TENM2: variants seen among roughly 807,000 people sequenced by gnomAD.
The protein encoded by TENM2 is teneurin-2.
A neutral mutation model predicts 245.2 loss-of-function variants in TENM2; 52 were observed. That is an observed-to-expected ratio of 0.21 (90% CI 0.17 to 0.27). TENM2 has a LOEUF of 0.27. TENM2 is among the 10% of genes least tolerant of loss of function. The probability of loss-of-function intolerance (pLI) is 1.00; values close to 1 mark genes in which losing one functional copy is unlikely to be tolerated. For synonymous variants in TENM2, 1,363 were observed against 1,438.9 expected (o/e 0.95, Z 1.19); for missense variants, 3,046 against 3,666.8 (o/e 0.83, Z 4.37).
intron 3 of TENM2, among the ~76,000 whole-genome samples, chr5:167,902,771 C>T (rs1224543224): frequency 1.3e-5 from 2 of 152,142 alleles, no homozygotes; most frequent in African/African-American, 2.4e-5. Flanking sequence ...GGAAAGTGAT[C>T]GTGTGTGACA....
chr5:167,711,421 C>T lies in TENM2; in HGVS notation c.503-164565C>T, dbSNP rs552679845. On this transcript the variant is annotated intron_variant, in intron 2 of 28. Transcript: ENST00000518659. ...AGGAAAGTCAGTCATCTGGCAACAT[C>T]GCTAGCCCACTGGCCCTTCCACATT... 9.2e-5 allele frequency among the ~76,000 whole-genome samples: 14 copies of T among 152,322 alleles called. No individual in the cohort carries two copies. The South Asian group carries it at 1.5e-3, about 16-fold the overall frequency.
chr5:167,622,810 C>A (rs10045114), intron 2 of TENM2, among the ~76,000 whole-genome samples: 4,647 of 152,180 alleles, frequency 0.031, 241 homozygotes, highest in African/African-American at 0.11. Flanking sequence ...AAAGAGGAGA[C>A]CAGGAGGGTG....
rs1561974218 is a variant in TENM2, at chr5:167,952,584, T to G, written c.713-4T>G. On this transcript the variant is annotated splice_polypyrimidine_tract_variant and splice_region_variant and intron_variant, in intron 3 of 28. Coordinates refer to ENST00000518659, the Ensembl canonical transcript of TENM2. ...CTAACAGTCATTTCTCCTTTTTTTT[T>G]CAGGCCCTCCGAACCACCACAGCCA... The G allele has an allele frequency of 6.2e-7, 1 of 1,603,188 alleles. No individual in the cohort carries two copies. The highest frequency in any genetic ancestry group is 1.1e-5 in the South Asian group (1 of 88,908).
intron 2 of TENM2, among the ~76,000 whole-genome samples, chr5:167,844,247 C>T (rs989339770): frequency 6.6e-6 from 1 of 152,242 alleles, no homozygotes; most frequent in African/African-American, 2.4e-5. Flanking sequence ...TAAACAAGGT[C>T]GGCTTCGACC....
chr5:167,561,114 A>G (rs565283315), intron 2 of TENM2, among the ~76,000 whole-genome samples: 1 of 152,318 alleles, frequency 6.6e-6, no homozygotes, highest in South Asian at 2.1e-4. Context: ...TGGTATATTC[A>G]TCCTCTCAAA....
At chr5:167,173,842 G>GT in the TENM2 span, among the ~76,000 whole-genome samples, 1 of 151,860 alleles carries the variant, frequency 6.6e-6, no homozygotes, top group African/African-American at 2.4e-5. Flanking sequence ...GCAATGGGAG[G>GT]TTTTCAGATA....
At chr5:167,428,304 C>T (rs1177149643) in intron 2 of TENM2, among the ~76,000 whole-genome samples, 1 of 152,118 alleles carries the variant, frequency 6.6e-6, no homozygotes, top group Non-Finnish European at 1.5e-5. Context: ...CTCAGTAACC[C>T]TATCCTTTGA....
chr5:168,190,610 G>A, intron 14 of TENM2, 63 bp downstream of exon 16: 3 of 1,479,652 alleles, frequency 2.0e-6, no homozygotes, highest in Non-Finnish European at 2.8e-6. Context: ...TGGAGCCAGA[G>A]GCAGTTCTCC....
chr5:167,604,827 T>C (rs1221774732), intron 2 of TENM2, among the ~76,000 whole-genome samples: 1 of 151,700 alleles, frequency 6.6e-6, no homozygotes, highest in Non-Finnish European at 1.5e-5. Context: ...AACTATTAAG[T>C]GGTATAAGGT....
At chr5:168,153,851 C>T (rs1756874214) in intron 12 of TENM2, among the ~76,000 whole-genome samples, 2 of 152,148 alleles carry the variant, frequency 1.3e-5, no homozygotes, top group Admixed American at 1.3e-4. Context: ...AAGCACTGCT[C>T]CAATCTAAAG....
intron 2 of TENM2, among the ~76,000 whole-genome samples, chr5:167,541,985 T>C (rs1238934068): frequency 6.6e-6 from 1 of 152,190 alleles, no homozygotes; most frequent in Non-Finnish European, 1.5e-5. Context: ...TAAATGGTCA[T>C]GCCGCCATTT....
the TENM2 span, among the ~76,000 whole-genome samples, chr5:167,072,865 C>T: frequency 6.6e-6 from 1 of 152,144 alleles, no homozygotes; most frequent in Non-Finnish European, 1.5e-5. Flanking sequence ...GAAGAGCAAA[C>T]ATAAGGTCTG....
chr5:166,988,620 T>C, the TENM2 span, among the ~76,000 whole-genome samples: 4 of 152,234 alleles, frequency 2.6e-5, no homozygotes, highest in Non-Finnish European at 5.9e-5. Flanking sequence ...CTGGCTAACG[T>C]AGGTGGAAAA....
At chr5:167,990,705 T>G (rs2152002137) in intron 4 of TENM2, among the ~76,000 whole-genome samples, 1 of 152,324 alleles carries the variant, frequency 6.6e-6, no homozygotes, top group Non-Finnish European at 1.5e-5. Flanking sequence ...AAAGCCTTAT[T>G]TATGGAATCA....
chr5:167,225,329 G>C, the TENM2 span, among the ~76,000 whole-genome samples: 77 of 152,026 alleles, frequency 5.1e-4, 1 homozygote, highest in Middle Eastern at 0.01. Context: ...TTATTTTGAG[G>C]TATGTTCGTT....
chr5:167,874,442 A>G (rs1278783831), intron 2 of TENM2, among the ~76,000 whole-genome samples: 1 of 152,156 alleles, frequency 6.6e-6, no homozygotes, highest in Non-Finnish European at 1.5e-5. Context: ...GTGTCTGCTG[A>G]TGTCTCTACA....
intron 9 of TENM2, among the ~76,000 whole-genome samples, chr5:168,112,603 G>GGGC (rs1454280564): frequency 1.7e-5 from 2 of 121,144 alleles, no homozygotes; most frequent in South Asian, 5.9e-4. Context: ...AGTGTGCAGT[G>GGGC]GGCGGGGGGG....
intron 1 of TENM2, among the ~76,000 whole-genome samples, chr5:167,366,581 G>A (rs1422530): frequency 0.95 from 144,041 of 152,232 alleles, 68,226 homozygotes; most frequent in East Asian, 0.98. Context: ...CTATCTGGTC[G>A]ACAAGTATTT....
chr5:167,261,822 C>T, the TENM2 span, among the ~76,000 whole-genome samples: 2 of 152,240 alleles, frequency 1.3e-5, no homozygotes, highest in Non-Finnish European at 2.9e-5. Flanking sequence ...CCTCTAATTG[C>T]TCTCATTTGA....
Sources: allele counts gnomAD v4.1 joint callset (sites outside exome capture counted in the v4.1 genomes callset), GRCh38; gene constraint gnomAD v4.1.1; transcripts MANE v1.5; gene names NCBI Gene and HGNC (gene_info 2026-07-23, HGNC 2026-07-21).